CWC27: variants seen among roughly 807,000 people sequenced by gnomAD.
CWC27 encodes CWC27 spliceosome associated cyclophilin, also known as spliceosome-associated protein CWC27 homolog.
CWC27 carries 47 observed loss-of-function variants against 63.6 expected under a neutral mutation model. The observed-to-expected ratio is 0.74, with a 90% CI of 0.58 to 0.94. The LOEUF is 0.94. CWC27 is among the 40% of genes least tolerant of loss of function. The probability of loss-of-function intolerance (pLI) is 0.00; values close to 1 mark genes in which losing one functional copy is unlikely to be tolerated. For missense variants in CWC27, 495 were observed against 554.3 expected (o/e 0.89, Z 1.07); for synonymous variants, 175 against 179.8 (o/e 0.97, Z 0.22).
chr5:64,884,828 A>C (rs546445988), intron 10 of CWC27, among the ~76,000 whole-genome samples: 198 of 152,316 alleles, frequency 1.3e-3, no homozygotes, highest in Non-Finnish European at 1.3e-3. Flanking sequence ...ATTTACTTCT[A>C]AGTTTGTCTT....
At chr5:64,851,293 C>T (rs192194706) in intron 10 of CWC27, among the ~76,000 whole-genome samples, 2 of 152,100 alleles carry the variant, frequency 1.3e-5, no homozygotes, top group East Asian at 3.9e-4. Context: ...TGAAGTAAGC[C>T]AGGCACAGAA....
intron 10 of CWC27, among the ~76,000 whole-genome samples, chr5:64,836,628 C>T (rs1561428359): frequency 6.6e-6 from 1 of 151,896 alleles, no homozygotes; most frequent in African/African-American, 2.4e-5. Flanking sequence ...CACATCAAGC[C>T]TAATTTGATG....
intron 10 of CWC27, among the ~76,000 whole-genome samples, chr5:64,871,352 G>A (rs185404569): frequency 6.6e-6 from 1 of 152,198 alleles, no homozygotes; most frequent in Admixed American, 6.6e-5. Context: ...TCAGTATTGA[G>A]AGTCCAGTAA....
chr5:64,925,479 C>T (rs554628237), intron 11 of CWC27, among the ~76,000 whole-genome samples: 1 of 152,284 alleles, frequency 6.6e-6, no homozygotes, highest in South Asian at 2.1e-4. Context: ...GAGGTCTCAA[C>T]AAAAATCTCT....
At chr5:64,972,007 G>A (rs1749135316) in intron 12 of CWC27, among the ~76,000 whole-genome samples, 195 bp downstream of exon 12, 1 of 152,268 alleles carries the variant, frequency 6.6e-6, no homozygotes, top group Non-Finnish European at 1.5e-5. Flanking sequence ...CCAGACATTG[G>A]TGGTGAAAAA....
At chr5:64,885,698 G>GGTGTGTGTGTGTGTGTGTGTGTGTGTGT (rs143055779) in intron 11 of CWC27, 152 bp downstream of exon 11, 19 of 261,530 alleles carry the variant, frequency 7.3e-5, no homozygotes, top group East Asian at 3.0e-4. Context: ...CTTGAGTTAG[G>GGTGTGTGTGTGTGTGTGTGTGTGTGTGT]GTGTGTGTGT....
chr5:64,858,182 G>T (rs1360523360), intron 10 of CWC27, among the ~76,000 whole-genome samples: 1 of 145,282 alleles, frequency 6.9e-6, no homozygotes, highest in Non-Finnish European at 1.5e-5. Context: ...GAAGCCGGCC[G>T]GGCGTGGTGG....
chr5:64,854,461 G>A (rs1580676026), intron 10 of CWC27, among the ~76,000 whole-genome samples: 1 of 152,086 alleles, frequency 6.6e-6, no homozygotes, highest in Admixed American at 6.5e-5. Flanking sequence ...TGTTATTTCT[G>A]CTTTTTAAAA....
Sources: gnomAD v4.1 joint callset for allele counts (sites outside exome capture counted in the v4.1 genomes callset) on GRCh38, gnomAD v4.1.1 for gene constraint, MANE v1.5 for transcripts, NCBI Gene and HGNC (gene_info 2026-07-23, HGNC 2026-07-21) for gene names.